Variants in KCNMB2 observed in about 807,000 individuals in gnomAD.
KCNMB2 encodes the protein potassium calcium-activated channel subfamily M regulatory beta subunit 2.
Under a neutral mutation model 24.5 loss-of-function variants are expected in KCNMB2, and 9 were observed. The ratio of observed to expected loss-of-function variants is 0.37; its 90% CI spans 0.22 to 0.64. The LOEUF is 0.64. Among genes scored for constraint, KCNMB2 ranks in the 30% least tolerant of loss-of-function variants. KCNMB2 has a pLI of 0.63. For synonymous variants in KCNMB2, 109 were observed against 104.4 expected, an observed-to-expected ratio of 1.04 and a Z score of -0.27; for missense variants, 226 against 284.3, an observed-to-expected ratio of 0.79 and a Z score of 1.47.
chr3:178,737,375 GTTGT>G (rs936819356), intron 1 of KCNMB2, among the ~76,000 whole-genome samples: 63 of 152,154 alleles, frequency 4.1e-4, no homozygotes, highest in Non-Finnish European at 2.2e-4. Flanking sequence ...TAAAAACAGG[GTTGT>G]TTGTTTGTTT....
At chr3:178,837,984 G>C (rs1301995747) in intron 4 of KCNMB2, among the ~76,000 whole-genome samples, 1 of 152,100 alleles carries the variant, frequency 6.6e-6, no homozygotes, top group Non-Finnish European at 1.5e-5. Flanking sequence ...ACTTAGCACT[G>C]TTCACCACTG....
At chr3:178,637,037 C>CT (rs139630807) in intron 1 of KCNMB2, among the ~76,000 whole-genome samples, 103,048 of 151,804 alleles carry the variant, frequency 0.68, 35,350 homozygotes, top group African/African-American at 0.8. Context: ...TGCTCTCATT[C>CT]TTTTTTTTGT....
At chr3:178,813,968 TTGTTGTTGTTGTTGTTGC>T (rs1447713807) in intron 2 of KCNMB2, among the ~76,000 whole-genome samples, 2 of 145,996 alleles carry the variant, frequency 1.4e-5, no homozygotes, top group African/African-American at 2.6e-5. Context: ...GTTGTTGTTG[TTGTTGTTGTTGTTGTTGC>T]TGCTGCTGCT....
At chr3:178,650,375 T>G (rs1403051127) in intron 1 of KCNMB2, among the ~76,000 whole-genome samples, 1 of 152,170 alleles carries the variant, frequency 6.6e-6, no homozygotes, top group Admixed American at 6.6e-5. Flanking sequence ...GATCCTGAGT[T>G]TAAGTCTTCA....
chr3:178,566,923 G>A (rs1411765249), intron 1 of KCNMB2, among the ~76,000 whole-genome samples: 1 of 152,170 alleles, frequency 6.6e-6, no homozygotes, highest in Non-Finnish European at 1.5e-5. Flanking sequence ...GCATAATTGA[G>A]AAGCATTCAT....
intron 1 of KCNMB2, among the ~76,000 whole-genome samples, chr3:178,617,232 A>G (rs1158955820): frequency 6.6e-6 from 1 of 152,200 alleles, no homozygotes; most frequent in Non-Finnish European, 1.5e-5. Context: ...TATTATTCAA[A>G]AGAAATGTTA....
chr3:178,622,751 C>T (rs1718969083), intron 1 of KCNMB2, among the ~76,000 whole-genome samples: 1 of 152,160 alleles, frequency 6.6e-6, no homozygotes, highest in African/African-American at 2.4e-5. Flanking sequence ...TATCCAGGCG[C>T]CCCTGCTGAC....
chr3:178,827,258 G>C (rs1414677237), intron 3 of KCNMB2, among the ~76,000 whole-genome samples: 1 of 152,152 alleles, frequency 6.6e-6, no homozygotes, highest in African/African-American at 2.4e-5. Context: ...ATGACCAGTT[G>C]ACCAATGGGC....
chr3:178,834,282 A>T (rs1715146757), intron 4 of KCNMB2, among the ~76,000 whole-genome samples: 1 of 152,182 alleles, frequency 6.6e-6, no homozygotes, highest in Non-Finnish European at 1.5e-5. Flanking sequence ...ATAATAAAAT[A>T]ATTTTCCCAG....
chr3:178,558,410 C>G (rs779751757), intron 1 of KCNMB2, among the ~76,000 whole-genome samples: 2 of 152,180 alleles, frequency 1.3e-5, no homozygotes, highest in African/African-American at 4.8e-5. Flanking sequence ...GGCTACAATA[C>G]AAGGATAGGA....
intron 1 of KCNMB2, among the ~76,000 whole-genome samples, chr3:178,589,295 G>A (rs779599955): frequency 6.6e-6 from 1 of 152,104 alleles, no homozygotes; most frequent in Non-Finnish European, 1.5e-5. Context: ...TTGTTAGCAC[G>A]TTTGGTTCTG....
intron 2 of KCNMB2, among the ~76,000 whole-genome samples, chr3:178,812,736 A>G (rs192386877): frequency 1.3e-5 from 2 of 152,192 alleles, no homozygotes. Flanking sequence ...ATCACTTGTC[A>G]TATATTACAT....
intron 1 of KCNMB2, among the ~76,000 whole-genome samples, chr3:178,757,844 T>C (rs1168313339): frequency 2.9e-5 from 3 of 101,918 alleles, no homozygotes; most frequent in East Asian, 6.3e-4. Context: ...CAAGAGGATA[T>C]ATATATCCAA....
At chr3:178,658,269 C>G (rs888675942) in intron 1 of KCNMB2, among the ~76,000 whole-genome samples, 1 of 152,182 alleles carries the variant, frequency 6.6e-6, no homozygotes, top group African/African-American at 2.4e-5. Flanking sequence ...TACCAGTTGT[C>G]AAACTTCCAA....
chr3:178,715,262 A>T (rs559397314), intron 1 of KCNMB2, among the ~76,000 whole-genome samples: 2 of 152,286 alleles, frequency 1.3e-5, no homozygotes, highest in African/African-American at 4.8e-5. Flanking sequence ...CCACAGAAGA[A>T]AATTTAACTC....
intron 1 of KCNMB2, among the ~76,000 whole-genome samples, chr3:178,612,680 C>T (rs1418072481): frequency 6.6e-6 from 1 of 151,940 alleles, no homozygotes; most frequent in East Asian, 1.9e-4. Context: ...CTTGTTTTTT[C>T]ATCTGTTCAG....
chr3:178,611,902 C>T (rs1001369508), intron 1 of KCNMB2, among the ~76,000 whole-genome samples: 15 of 151,802 alleles, frequency 9.9e-5, no homozygotes, highest in Admixed American at 9.2e-4. Context: ...TATAAACTTC[C>T]CTCTTAGTAT....
chr3:178,730,452 C>T (rs371774527), intron 1 of KCNMB2, among the ~76,000 whole-genome samples: 3 of 141,130 alleles, frequency 2.1e-5, no homozygotes, highest in African/African-American at 7.9e-5. Context: ...CTCATCCAAT[C>T]CTCAGCTACT....
At position 178,723,968 on chromosome 3, in the gene KCNMB2, T is replaced by C. The variant is rs76223919; in HGVS notation, c.-67-83375T>C. 8.4e-4 allele frequency among the ~76,000 whole-genome samples: 128 copies of C among 152,294 alleles called. 2 individuals are homozygous for C. The East Asian group carries it at 0.023, about 28-fold the overall frequency. ...CATACAAGTGCAGGTATCATTTTAG[T>C]AGAACTATTTATTTTCCTTTGGGTA... is the stretch of plus-strand genomic sequence containing the variant. On this transcript the variant is annotated intron_variant, in intron 1 of 4. Coordinates refer to ENST00000452583, the MANE Select transcript of KCNMB2 (RefSeq NM_181361.3).
Sources: gnomAD v4.1 joint callset for allele counts (sites outside exome capture counted in the v4.1 genomes callset) on GRCh38, gnomAD v4.1.1 for gene constraint, MANE v1.5 for transcripts, NCBI Gene and HGNC (gene_info 2026-07-23, HGNC 2026-07-21) for gene names.